ANKS1B: variants seen among roughly 807,000 people sequenced by gnomAD.
ANKS1B encodes the protein ankyrin repeat and sterile alpha motif domain-containing protein 1B.
A neutral mutation model predicts 148.3 loss-of-function variants in ANKS1B; 36 were observed. The observed-to-expected ratio is 0.24, with a 90% CI of 0.19 to 0.32. ANKS1B has a LOEUF of 0.32. Among genes scored for constraint, ANKS1B ranks in the 10% least tolerant of loss-of-function variants. The probability of loss-of-function intolerance (pLI) is 1.00; values close to 1 mark genes in which losing one functional copy is unlikely to be tolerated. For missense variants in ANKS1B, 1,157 were observed against 1,542.6 expected (o/e 0.75, Z 4.19); for synonymous variants, 542 against 560.8 (o/e 0.97, Z 0.47).
At chr12:99,357,655 A>G (rs2092125338) in intron 12 of ANKS1B, among the ~76,000 whole-genome samples, 1 of 152,126 alleles carries the variant, frequency 6.6e-6, no homozygotes, top group Non-Finnish European at 1.5e-5. Context: ...TTTGCCTACT[A>G]TTATGTCCCT....
At chr12:99,489,310 A>G (rs1004684394) in intron 10 of ANKS1B, among the ~76,000 whole-genome samples, 38 of 152,096 alleles carry the variant, frequency 2.5e-4, no homozygotes, top group African/African-American at 8.9e-4. Flanking sequence ...TATAAAAACT[A>G]TGCACAGCAA....
At chr12:98,956,041 A>G (rs1168676558) in intron 17 of ANKS1B, among the ~76,000 whole-genome samples, 1 of 152,168 alleles carries the variant, frequency 6.6e-6, no homozygotes. Flanking sequence ...GAGATCTGAC[A>G]ATGTGCTGGC....
At chr12:99,393,072 T>C (rs1238561149) in intron 12 of ANKS1B, among the ~76,000 whole-genome samples, 1 of 151,328 alleles carries the variant, frequency 6.6e-6, no homozygotes, top group Non-Finnish European at 1.5e-5. Flanking sequence ...TGTAGATAGA[T>C]TGATAGATCA....
At position 99,879,158 on chromosome 12, in the gene ANKS1B, C is replaced by T. The variant is rs1038459236; in HGVS notation, c.135-53769G>A. The stretch of plus-strand genomic sequence containing the variant: ...CGTTAGTTTCCTCATCAGGGAAGCC[C>T]ACATGTCAGTATCTACAGAGTTTTT... On this transcript the variant is annotated intron_variant, in intron 1 of 26. Transcript: ENST00000683438. 2.6e-5 allele frequency among the ~76,000 whole-genome samples: 4 copies of T among 152,206 alleles called. No homozygotes were observed. In the South Asian group the frequency reaches 8.3e-4, roughly 32 times the overall value.
chr12:99,254,867 G>C (rs1306854167), intron 12 of ANKS1B, among the ~76,000 whole-genome samples: 1 of 152,170 alleles, frequency 6.6e-6, no homozygotes, highest in African/African-American at 2.4e-5. Flanking sequence ...GATAAACTCA[G>C]TGTGGTCATA....
chr12:99,504,525 T>C lies in ANKS1B; in HGVS notation c.1389A>G (p.Thr463=), dbSNP rs149593813. 106 of 1,612,704 alleles carry C rather than the reference T, an allele frequency of 6.6e-5. No homozygotes were observed. The African/African-American group carries it at 8.8e-4, about 13-fold the overall frequency. The change falls in exon 10 of 27, where the codon ACA becomes ACG. Residue 463 remains threonine, a synonymous_variant. Coordinates refer to ENST00000683438, the MANE Select transcript of ANKS1B (RefSeq NM_001352186.2). ...CAATTTCTAAGGAGCAAGGTTTCTT[T>C]GTAACAGCTGTGTCCATGAGATCAC... The part of the protein sequence containing the change: ...FLCDLMDTAV[T]KKPCSLEIAR...
At chr12:98,884,175 G>T (rs2099728034) in intron 17 of ANKS1B, among the ~76,000 whole-genome samples, 1 of 152,106 alleles carries the variant, frequency 6.6e-6, no homozygotes, top group Non-Finnish European at 1.5e-5. Context: ...GTATCCCAAA[G>T]GAAACACTTT....
At chr12:98,776,379 T>C (rs2098675049) in intron 24 of ANKS1B, among the ~76,000 whole-genome samples, 1 of 152,226 alleles carries the variant, frequency 6.6e-6, no homozygotes, top group South Asian at 2.1e-4. Context: ...CAGTCTCCAT[T>C]TCTAAGCACA....
intron 25 of ANKS1B, among the ~76,000 whole-genome samples, chr12:98,757,584 C>G (rs986008750): frequency 1.3e-5 from 2 of 152,158 alleles, no homozygotes; most frequent in Admixed American, 6.5e-5. Context: ...TGTGGGGAAG[C>G]TCACTGATCA....
chr12:98,894,757 C>T, intron 17 of ANKS1B: 2 of 985,526 alleles, frequency 2.0e-6, no homozygotes, highest in Non-Finnish European at 2.4e-6. Context: ...TTTCTGGGCG[C>T]CCCCAGCGAA....
intron 14 of ANKS1B, among the ~76,000 whole-genome samples, chr12:99,235,619 A>G (rs186145545): frequency 9.8e-5 from 15 of 152,314 alleles, no homozygotes; most frequent in African/African-American, 3.4e-4. Flanking sequence ...CAGCATTTCT[A>G]TGTGAGAGAA....
At chr12:99,708,619 T>C (rs1322864264) in intron 8 of ANKS1B, among the ~76,000 whole-genome samples, 1 of 152,268 alleles carries the variant, frequency 6.6e-6, no homozygotes, top group South Asian at 2.1e-4. Flanking sequence ...TCCTCCCATC[T>C]TCAAAGCCAA....
chr12:99,800,365 A>G (rs2066788846), intron 4 of ANKS1B, among the ~76,000 whole-genome samples: 1 of 151,630 alleles, frequency 6.6e-6, no homozygotes, highest in Non-Finnish European at 1.5e-5. Context: ...GAATTGTGAG[A>G]AAATAAATTT....
chr12:99,594,809 T>G (rs576658728), intron 9 of ANKS1B, among the ~76,000 whole-genome samples: 1 of 152,078 alleles, frequency 6.6e-6, no homozygotes, highest in East Asian at 1.9e-4. Flanking sequence ...AAATACCATG[T>G]TTATAGTCAA....
intron 1 of ANKS1B, among the ~76,000 whole-genome samples, chr12:99,867,718 G>C (rs1474704207): frequency 1.3e-5 from 2 of 152,134 alleles, no homozygotes; most frequent in Non-Finnish European, 2.9e-5. Context: ...CTTGAGTGGG[G>C]ACACAGCCAG....
intron 19 of ANKS1B, among the ~76,000 whole-genome samples, chr12:98,828,189 C>G (rs1310643528): frequency 1.3e-5 from 2 of 152,178 alleles, no homozygotes; most frequent in African/African-American, 2.4e-5. Flanking sequence ...TATCCCAGGC[C>G]TTCTCTCCCC....
rs1010483098 is a variant in ANKS1B at position 99,979,609 on chromosome 12, G to A, written c.134+4495C>T. 2.6e-5 allele frequency among the ~76,000 whole-genome samples: 4 copies of A among 152,048 alleles called. No homozygotes were observed. The South Asian group carries it at 6.2e-4, about 24-fold the overall frequency. ...AGACCCAGAAGAATTAGATGCAAGA[G>A]GGTAGAAGGAATTTTTGCCAATACT... On this transcript the variant is annotated intron_variant, in intron 1 of 26. Coordinates refer to ENST00000683438, the MANE Select transcript of ANKS1B (RefSeq NM_001352186.2).
chr12:99,908,523 G>GTGAA (rs1447819267), intron 1 of ANKS1B, among the ~76,000 whole-genome samples: 1 of 152,134 alleles, frequency 6.6e-6, no homozygotes, highest in Admixed American at 6.5e-5. Context: ...CAAGGCTGAA[G>GTGAA]TGAACCATGA....
At chr12:98,921,190 T>C (rs184284897) in intron 17 of ANKS1B, among the ~76,000 whole-genome samples, 52 of 152,254 alleles carry the variant, frequency 3.4e-4, no homozygotes, top group African/African-American at 1.1e-3. Flanking sequence ...TCCCTTGATG[T>C]TTTCCATTTA....
Sources: allele counts gnomAD v4.1 joint callset (sites outside exome capture counted in the v4.1 genomes callset), GRCh38; gene constraint gnomAD v4.1.1; transcripts MANE v1.5; gene names NCBI Gene and HGNC (gene_info 2026-07-23, HGNC 2026-07-21).